The following MORC3 variants were observed in gnomAD, a reference collection of about 807,000 sequenced individuals.
The protein encoded by MORC3 is MORC family CW-type zinc finger protein 3.
In MORC3, 31 loss-of-function variants were observed where a neutral mutation model predicts 109.1. The observed-to-expected ratio is 0.28, with a 90% CI of 0.21 to 0.38. MORC3 has a LOEUF of 0.38. Among genes scored for constraint, MORC3 ranks in the 10% least tolerant of loss-of-function variants. The pLI is 1.00. For missense variants in MORC3, 867 were observed against 1,135.8 expected, an observed-to-expected ratio of 0.76 and a Z score of 3.40; for synonymous variants, 395 against 380.7, an observed-to-expected ratio of 1.04 and a Z score of -0.44.
chr21:36,356,331 A>G (rs1284977791), intron 9 of MORC3, among the ~76,000 whole-genome samples: 1 of 152,186 alleles, frequency 6.6e-6, no homozygotes, highest in African/African-American at 2.4e-5. Flanking sequence ...TTCATGACAT[A>G]TCTAACTTAT....
rs2085488131 is a variant in MORC3, at chr21:36,344,664, G to A, written c.842G>A (p.Ser281Asn). 1 of 1,614,116 alleles carries A rather than the reference G, an allele frequency of 6.2e-7. No homozygotes were observed. Among genetic ancestry groups the A allele is most frequent in the Non-Finnish European group, 8.5e-7 (1 of 1,180,004 alleles). The change falls in exon 7 of 17, where the codon AGT becomes AAT. Residue 281 changes from serine to asparagine, a missense_variant. Physicochemically the swap from Ser to Asn is conservative, Grantham distance 46. Around this residue, in one of 7 missense-constraint regions of MORC3, gnomAD observed 120 missense variants for 259.7 expected, o/e 0.46. Transcript: ENST00000400485. The stretch of plus-strand genomic sequence containing the variant: ...GTGAAGACACAGCTGGTTTCGAAGA[G>A]TCTTGCCTACATCGAACGTGATGTT... ...QKVKTQLVSKSLAYIERDVYR... is the reference protein window; with the variant it reads ...QKVKTQLVSKNLAYIERDVYR...
intron 12 of MORC3, chr21:36,361,744 G>A (rs542784914): frequency 1.5e-3 from 255 of 168,634 alleles, no homozygotes; most frequent in Admixed American, 3.0e-3. Context: ...AAAATTAGCC[G>A]GGCATGGTGG....
intron 9 of MORC3, among the ~76,000 whole-genome samples, chr21:36,353,747 ATTTTTGTATTTT>A (rs2085604544): frequency 4.6e-5 from 3 of 65,514 alleles, no homozygotes; most frequent in Admixed American, 1.6e-4. Context: ...AGCCCGGCTA[ATTTTTGTATTTT>A]TTTTTTTTTT....
At position 36,333,684 on chromosome 21, in the gene MORC3, C is replaced by T. The variant is rs755421937; in HGVS notation, c.78C>T (p.His26=). The T allele has an allele frequency of 9.3e-6, 15 of 1,613,404 alleles. No individual in the cohort carries two copies. The African/African-American group carries it at 9.4e-5, about 10-fold the overall frequency. The change falls in exon 2 of 17, where the codon CAC becomes CAT. Residue 26 remains histidine (H), a synonymous_variant. Coordinates refer to ENST00000400485, the MANE Select transcript of MORC3 (RefSeq NM_015358.3). The part of the protein sequence containing the change: ...PKFLHTNSTS[H]TWPFSAVAEL... ...TTTTACATACAAATTCTACTAGTCA[C>T]ACCTGGCCATTCAGTGCAGTTGCTG...
intron 14 of MORC3, 35 bp from the exon 15 acceptor site, chr21:36,368,953 A>T: frequency 6.7e-7 from 1 of 1,489,588 alleles, no homozygotes; most frequent in Non-Finnish European, 9.0e-7. Flanking sequence ...TCCATATTTT[A>T]TAATCTTATG....
chr21:36,347,997 A>C (rs567103321), intron 8 of MORC3: 1 of 152,332 alleles, frequency 6.6e-6, no homozygotes, highest in East Asian at 1.9e-4. Context: ...AATAGAGCAG[A>C]ATTAGGATTA....
rs1401222136 is a variant in MORC3 at position 36,356,722 on chromosome 21, A to G, written c.1206A>G (p.Ile402Met). The part of the protein sequence containing the change: ...EYPLNLPVED[I>M]QKRPDQTWVQ... ...CTCTAAATTTGCCAGTTGAAGATAT[A>G]CAGTAAGTACATTTTTAAAACATAT... Residue 402 changes from isoleucine (I) to methionine (M), a missense_variant and splice_region_variant, in exon 10 of 17, where the codon ATA becomes ATG. By Grantham distance (10) the Ile-to-Met change is conservative. Transcript: ENST00000400485. 2 of 1,515,410 alleles carry G rather than the reference A, an allele frequency of 1.3e-6. No homozygotes were observed. The highest frequency in any genetic ancestry group is 1.4e-5 in the African/African-American group (1 of 71,874). The allele number at this position is 1,515,410 out of a possible 1,614,324, so 93.9% of individuals were successfully genotyped here.
chr21:36,373,708 A>G (rs1490443791), intron 16 of MORC3, among the ~76,000 whole-genome samples: 3 of 152,172 alleles, frequency 2.0e-5, no homozygotes, highest in Non-Finnish European at 4.4e-5. Flanking sequence ...ACAAAAAAAC[A>G]TGCTCAAAAT....
intron 3 of MORC3, 103 bp downstream of exon 3, chr21:36,337,109 C>T (rs1047311721): frequency 7.4e-7 from 1 of 1,344,902 alleles, no homozygotes; most frequent in Admixed American, 2.1e-5. Flanking sequence ...AAATGAAATG[C>T]TGTATGTACA....
intron 16 of MORC3, among the ~76,000 whole-genome samples, chr21:36,373,832 A>C (rs2085899293): frequency 6.6e-6 from 1 of 152,200 alleles, no homozygotes; most frequent in Admixed American, 6.5e-5. Context: ...GTAGTGGGGT[A>C]GGGAACAAGA....
In MORC3 at chr21:36,364,097, A is replaced by T. The variant is rs199815221; in HGVS notation, c.1457A>T (p.Asn486Ile). ...GATGATTTTTCCCTCCAACAGATTAATGCTGAACTGTTGTTTCGGCCAACT... is the reference window on the plus strand; with the variant it reads ...GATGATTTTTCCCTCCAACAGATTATTGCTGAACTGTTGTTTCGGCCAACT... The part of the protein sequence containing the change: ...IRQPEMIPRI[N>I]AELLFRPTAL... The change falls in exon 14 of 17, where the codon AAT becomes ATT. Residue 486 changes from asparagine to isoleucine, a missense_variant. Coordinates refer to ENST00000400485, the MANE Select transcript of MORC3 (RefSeq NM_015358.3). 1.2e-6 allele frequency: 2 copies of T among 1,613,864 alleles called. No individual in the cohort carries two copies. The highest frequency in any genetic ancestry group is 1.7e-6 in the Non-Finnish European group (2 of 1,179,938).
rs1180056615 is a variant in MORC3, at chr21:36,376,621, T to C, written c.*1325T>C. 1.3e-5 allele frequency: 2 copies of C among 152,196 alleles called. No homozygotes were observed. The highest frequency in any genetic ancestry group is 6.6e-5 in the Admixed American group (1 of 15,258). 9.4% of individuals were successfully genotyped at this position (152,196 alleles called of 1,614,324 possible). ...AATATCTTATAATAAAATAAAAATA[T>C]ATGATGGCTAACTGTTCAAATGCTA... On this transcript the variant is annotated 3_prime_UTR_variant, in exon 17 of 17. Transcript: ENST00000400485.
chr21:36,338,711 TAGTTTTC>T, intron 4 of MORC3, 56 bp from the exon 5 acceptor site: 1 of 1,414,116 alleles, frequency 7.1e-7, no homozygotes, highest in Non-Finnish European at 9.6e-7. Context: ...TTTATAGAGT[TAGTTTTC>T]ATATTGTAAT....
chr21:36,368,026 T>A (rs897904095), intron 14 of MORC3, among the ~76,000 whole-genome samples: 5 of 151,944 alleles, frequency 3.3e-5, no homozygotes, highest in Admixed American at 6.6e-5. Context: ...TATGAGACAG[T>A]CCAAAAAAGA....
At chr21:36,360,352 C>A in intron 12 of MORC3, 94 bp downstream of exon 12, 1 of 1,259,062 alleles carries the variant, frequency 7.9e-7, no homozygotes, top group Non-Finnish European at 1.1e-6. Context: ...CAAGGTAAAG[C>A]ACCTGTAACT....
In MORC3 at chr21:36,372,393, A is replaced by G. The variant is rs995906269; in HGVS notation, c.2528A>G (p.Glu843Gly). Residue 843 changes from glutamate to glycine, a missense_variant, in exon 16 of 17, where the codon GAA becomes GGA. By Grantham distance (98) the Glu-to-Gly change is moderately conservative. This residue lies in a region of MORC3 where 486 missense variants were observed against 502.1 expected (regional missense o/e 0.97). Coordinates refer to ENST00000400485, the MANE Select transcript of MORC3 (RefSeq NM_015358.3). ...TGTTAGGTTGAATTGCTGGAAATGG[A>G]AAAGTCACAAATCCGTTCACAGTGT... ...YKSEVELLEMEKSQIRSQCEE... is the reference protein window; with the variant it reads ...YKSEVELLEMGKSQIRSQCEE... 6.4e-6 allele frequency: 10 copies of G among 1,572,872 alleles called. No homozygotes were observed. Among genetic ancestry groups the G allele is most frequent in the Non-Finnish European group, 8.6e-6 (10 of 1,167,266 alleles).
chr21:36,369,300 A>T lies in MORC3; in HGVS notation c.1932A>T (p.Val644=), dbSNP rs768294365. Residue 644 remains valine (V), a synonymous_variant, in exon 15 of 17, where the codon GTA becomes GTT. Transcript: ENST00000400485. ...ATACTGCAGCTACCCAGACTGAAGT[A>T]CCAAGTTTAGTTGTTAAAAAAGAAG... ...QGNTAATQTE[V]PSLVVKKEET... is the part of the protein sequence containing the mutation. 101 of 1,614,110 alleles carry T rather than the reference A, an allele frequency of 6.3e-5. No homozygotes were observed. Among genetic ancestry groups the T allele is most frequent in the Non-Finnish European group, 8.1e-5 (96 of 1,180,052 alleles).
chr21:36,373,255 G>A (rs1250569072), intron 16 of MORC3, among the ~76,000 whole-genome samples: 1 of 151,978 alleles, frequency 6.6e-6, no homozygotes, highest in Non-Finnish European at 1.5e-5. Context: ...CAGGAGAATC[G>A]CTTGAACCTA....
At chr21:36,326,112 C>T (rs1177742720) in intron 1 of MORC3, among the ~76,000 whole-genome samples, 8 of 151,956 alleles carry the variant, frequency 5.3e-5, no homozygotes, top group Non-Finnish European at 1.2e-4. Context: ...GAGGCTGAGG[C>T]GGGAGAATCG....
Sources: gnomAD v4.1 joint callset for allele counts (sites outside exome capture counted in the v4.1 genomes callset) on GRCh38, gnomAD v4.1.1 for gene constraint, gnomAD v4.1.1 regional missense constraint, MANE v1.5 for transcripts, NCBI Gene and HGNC (gene_info 2026-07-23, HGNC 2026-07-21) for gene names.